SLC24A3: variants seen among roughly 807,000 people sequenced by gnomAD.
SLC24A3 encodes solute carrier family 24 member 3.
SLC24A3 carries 28 observed loss-of-function variants against 75.8 expected under a neutral mutation model. The observed-to-expected ratio is 0.37, with a 90% CI of 0.27 to 0.51. SLC24A3 has a LOEUF of 0.51. Ranked by LOEUF, SLC24A3 falls within the 20% of genes least tolerant of loss-of-function variation. The probability of loss-of-function intolerance (pLI) is 0.94; values close to 1 mark genes in which losing one functional copy is unlikely to be tolerated. For missense variants in SLC24A3, 663 were observed against 847.8 expected, an observed-to-expected ratio of 0.78 and a Z score of 2.71; for synonymous variants, 372 against 334.1, an observed-to-expected ratio of 1.11 and a Z score of -1.24.
intron 3 of SLC24A3, among the ~76,000 whole-genome samples, chr20:19,526,648 TC>T (rs1483870999): frequency 1.3e-5 from 2 of 151,982 alleles, no homozygotes; most frequent in African/African-American, 4.8e-5. Flanking sequence ...TTCCTCCATC[TC>T]CCCCACTATC....
At chr20:19,219,630 G>A (rs1489143509) in intron 1 of SLC24A3, among the ~76,000 whole-genome samples, 2 of 152,032 alleles carry the variant, frequency 1.3e-5, no homozygotes, top group Non-Finnish European at 2.9e-5. Flanking sequence ...AAGAATGGAG[G>A]ATACAAAGGC....
intron 3 of SLC24A3, among the ~76,000 whole-genome samples, chr20:19,571,534 T>C (rs1239131219): frequency 6.6e-6 from 1 of 152,176 alleles, no homozygotes; most frequent in Non-Finnish European, 1.5e-5. Context: ...TCTCCAGAGA[T>C]GGCAAATCTC....
At chr20:19,295,805 T>C (rs1250857872) in intron 2 of SLC24A3, among the ~76,000 whole-genome samples, 19 of 151,498 alleles carry the variant, frequency 1.3e-4, no homozygotes, top group Admixed American at 1.3e-3. Context: ...ATATTGGCCT[T>C]AAGTTTTTTT....
chr20:19,310,242 C>G (rs6035290), intron 2 of SLC24A3, among the ~76,000 whole-genome samples: 3 of 152,150 alleles, frequency 2.0e-5, no homozygotes, highest in African/African-American at 7.2e-5. Flanking sequence ...AGAGTGTGGC[C>G]TCAGGCCCAG....
intron 3 of SLC24A3, among the ~76,000 whole-genome samples, chr20:19,516,654 G>A (rs1022192047): frequency 2.6e-5 from 4 of 152,248 alleles, no homozygotes; most frequent in African/African-American, 4.8e-5. Context: ...ACTGAGAAGA[G>A]CACCTACAGT....
chr20:19,390,577 T>G (rs1986349279), intron 2 of SLC24A3, among the ~76,000 whole-genome samples: 2 of 151,482 alleles, frequency 1.3e-5, no homozygotes, highest in Non-Finnish European at 1.5e-5. Context: ...GTCTACCCAG[T>G]GTGATGATCT....
At chr20:19,560,207 G>GAT (rs969651222) in intron 3 of SLC24A3, among the ~76,000 whole-genome samples, 1 of 152,154 alleles carries the variant, frequency 6.6e-6, no homozygotes, top group Non-Finnish European at 1.5e-5. Flanking sequence ...TTAAAGAGCT[G>GAT]ATAACACTGA....
chr20:19,328,944 A>T (rs930423720), intron 2 of SLC24A3, among the ~76,000 whole-genome samples: 1 of 152,224 alleles, frequency 6.6e-6, no homozygotes, highest in Admixed American at 6.5e-5. Context: ...AGGAGCAGCC[A>T]TCGAGGCGGG....
At chr20:19,378,425 A>G (rs1044958187) in intron 2 of SLC24A3, among the ~76,000 whole-genome samples, 1 of 152,232 alleles carries the variant, frequency 6.6e-6, no homozygotes. Context: ...CTGCATGGAA[A>G]ATAAAACTAA....
At chr20:19,545,071 A>G (rs1452737883) in intron 3 of SLC24A3, among the ~76,000 whole-genome samples, 2 of 152,252 alleles carry the variant, frequency 1.3e-5, no homozygotes, top group Non-Finnish European at 2.9e-5. Flanking sequence ...CACGGGGTTT[A>G]AAAACAATGC....
intron 2 of SLC24A3, among the ~76,000 whole-genome samples, chr20:19,496,100 C>G (rs1035360560): frequency 2.0e-5 from 3 of 152,210 alleles, no homozygotes; most frequent in Non-Finnish European, 2.9e-5. Flanking sequence ...TGGGACACCC[C>G]GGCTCCCTTT....
intron 2 of SLC24A3, among the ~76,000 whole-genome samples, chr20:19,360,721 C>T (rs1016304028): frequency 2.6e-5 from 4 of 152,252 alleles, no homozygotes; most frequent in Non-Finnish European, 5.9e-5. Context: ...AATGTCTAGA[C>T]ATCACAGCAC....
At chr20:19,714,462 A>T (rs947481244) in intron 15 of SLC24A3, among the ~76,000 whole-genome samples, 2 of 151,584 alleles carry the variant, frequency 1.3e-5, no homozygotes, top group African/African-American at 4.8e-5. Context: ...CTCCTGCCCC[A>T]AACCATCCAT....
chr20:19,686,114 T>G (rs2032672785), intron 12 of SLC24A3, among the ~76,000 whole-genome samples: 1 of 152,222 alleles, frequency 6.6e-6, no homozygotes. Flanking sequence ...GACGGTCTTA[T>G]CTTACTTAGC....
chr20:19,600,017 G>T (rs1431386855), intron 6 of SLC24A3, among the ~76,000 whole-genome samples: 2 of 152,176 alleles, frequency 1.3e-5, no homozygotes, highest in Non-Finnish European at 2.9e-5. Context: ...GCAGGGCTTG[G>T]CTTGGCTTAT....
intron 2 of SLC24A3, among the ~76,000 whole-genome samples, chr20:19,383,757 T>C (rs1471106792): frequency 1.3e-5 from 2 of 152,190 alleles, no homozygotes; most frequent in African/African-American, 4.8e-5. Flanking sequence ...CAGTTCCCCA[T>C]GAGGCTTGCA....
intron 1 of SLC24A3, among the ~76,000 whole-genome samples, chr20:19,252,979 C>A (rs1485995598): frequency 6.6e-6 from 1 of 152,130 alleles, no homozygotes; most frequent in Non-Finnish European, 1.5e-5. Context: ...GGTGCTTCGC[C>A]TGTTGGAGTG....
At chr20:19,672,321 T>G (rs2032478371) in intron 8 of SLC24A3, among the ~76,000 whole-genome samples, 2 of 152,120 alleles carry the variant, frequency 1.3e-5, no homozygotes, top group Non-Finnish European at 2.9e-5. Context: ...AATACCTACA[T>G]CTTTGCATAA....
chr20:19,512,858 A>G (rs1344908484), intron 2 of SLC24A3, among the ~76,000 whole-genome samples: 2 of 152,178 alleles, frequency 1.3e-5, no homozygotes, highest in African/African-American at 4.8e-5. Context: ...ACCTGTACCC[A>G]CTGTACCCCT....
Sources: gnomAD v4.1 joint callset for allele counts (sites outside exome capture counted in the v4.1 genomes callset) on GRCh38, gnomAD v4.1.1 for gene constraint, MANE v1.5 for transcripts, NCBI Gene and HGNC (gene_info 2026-07-23, HGNC 2026-07-21) for gene names.